ADAMTS20: variants seen among roughly 807,000 people sequenced by gnomAD.
ADAMTS20 encodes A disintegrin and metalloproteinase with thrombospondin motifs 20.
A neutral mutation model predicts 260.1 loss-of-function variants in ADAMTS20; 225 were observed. That is an observed-to-expected ratio of 0.87 (90% CI 0.78 to 0.97). ADAMTS20 has a LOEUF of 0.97. Ranked by LOEUF, ADAMTS20 falls within the 50% of genes least tolerant of loss-of-function variation. ADAMTS20 has a pLI of 0.00. For synonymous variants in ADAMTS20, 802 were observed against 769.5 expected, an observed-to-expected ratio of 1.04 and a Z score of -0.70; for missense variants, 2,400 against 2,337.7, an observed-to-expected ratio of 1.03 and a Z score of -0.55.
In ADAMTS20 at chr12:43,378,281, C is replaced by T. The variant is rs376865318; in HGVS notation, c.4798-719G>A. Reference sequence around the variant, plus strand: ...CTTTGAAAAACTTTCCAGGTCTTGGCACAACGAAAGGAAGGCAGCAGAGCT... The same window carrying T: ...CTTTGAAAAACTTTCCAGGTCTTGGTACAACGAAAGGAAGGCAGCAGAGCT... On this transcript the variant is annotated intron_variant, in intron 31 of 38. Transcript: ENST00000389420. 9.1e-4 allele frequency among the ~76,000 whole-genome samples: 138 copies of T among 152,268 alleles called. 1 individual carries two copies. Among genetic ancestry groups the T allele is most frequent in the African/African-American group, 3.2e-3 (134 of 41,540 alleles).
intron 37 of ADAMTS20, among the ~76,000 whole-genome samples, chr12:43,358,414 T>C (rs938196171): frequency 2.0e-5 from 3 of 152,200 alleles, no homozygotes; most frequent in Non-Finnish European, 4.4e-5. Flanking sequence ...TGGTATGATG[T>C]TGACGGAGGT....
At chr12:43,384,123 A>G (rs1297580251) in intron 29 of ADAMTS20, 146 bp from the exon 30 acceptor site, 4 of 810,212 alleles carry the variant, frequency 4.9e-6, no homozygotes, top group Admixed American at 6.5e-5. Flanking sequence ...TACAATAAGT[A>G]TTTTTACCAT....
chr12:43,400,166 C>G (rs1006691673), intron 28 of ADAMTS20, among the ~76,000 whole-genome samples: 5 of 151,992 alleles, frequency 3.3e-5, no homozygotes, highest in African/African-American at 1.2e-4. Context: ...CATATAGTCT[C>G]AGAGAGGATA....
intron 28 of ADAMTS20, among the ~76,000 whole-genome samples, chr12:43,402,681 CA>C (rs1160377614): frequency 6.6e-6 from 1 of 152,038 alleles, no homozygotes; most frequent in African/African-American, 2.4e-5. Context: ...AATATTCAAA[CA>C]TGCAGTTTTT....
At chr12:43,396,717 A>G (rs576779357) in intron 29 of ADAMTS20, among the ~76,000 whole-genome samples, 21 of 152,320 alleles carry the variant, frequency 1.4e-4, no homozygotes, top group Middle Eastern at 3.4e-3. Flanking sequence ...ATGTTCCTTT[A>G]GCAGATTTTA....
At chr12:43,525,601 C>T (rs922705738) in intron 3 of ADAMTS20, among the ~76,000 whole-genome samples, 1 of 152,046 alleles carries the variant, frequency 6.6e-6, no homozygotes, top group African/African-American at 2.4e-5. Flanking sequence ...TTAAAAATCA[C>T]AAACCAAATA....
intron 7 of ADAMTS20, among the ~76,000 whole-genome samples, chr12:43,476,863 G>A (rs1185839343): frequency 6.6e-6 from 1 of 150,726 alleles, no homozygotes; most frequent in East Asian, 2.0e-4. Flanking sequence ...GTGGAGGGGG[G>A]AGGGATAGCA....
At chr12:43,445,061 CTTTACTA>C (rs898415972) in intron 15 of ADAMTS20, among the ~76,000 whole-genome samples, 1 of 152,010 alleles carries the variant, frequency 6.6e-6, no homozygotes, top group Non-Finnish European at 1.5e-5. Flanking sequence ...CTATTTATAT[CTTTACTA>C]TTTATTATAT....
intron 10 of ADAMTS20, among the ~76,000 whole-genome samples, chr12:43,464,287 T>G (rs1007024510): frequency 6.6e-6 from 1 of 152,146 alleles, no homozygotes; most frequent in African/African-American, 2.4e-5. Flanking sequence ...TAATATCATT[T>G]GAAAATAAAT....
chr12:43,415,184 G>T (rs963021911), intron 28 of ADAMTS20, among the ~76,000 whole-genome samples: 1 of 152,036 alleles, frequency 6.6e-6, no homozygotes, highest in Non-Finnish European at 1.5e-5. Flanking sequence ...GTCAGAAAAG[G>T]GTTACCTTTT....
rs374993907 is a variant in ADAMTS20, at chr12:43,551,318, G to C, written c.92-48C>G. On this transcript the variant is annotated intron_variant, in intron 1 of 38. Coordinates refer to ENST00000389420, the MANE Select transcript of ADAMTS20 (RefSeq NM_025003.5). This position sits in a 1 kb window ranked among gnomAD's most constrained non-coding sequence, Gnocchi z 4.6. ...AGTGAGCTCCCACGCGTTCCTCATT[G>C]TCCAACTCTAAACTTCTTCCACCAA... The C allele has an allele frequency of 1.3e-6, 2 of 1,573,996 alleles. No homozygotes were observed. Among genetic ancestry groups the C allele is most frequent in the African/African-American group, 1.3e-5 (1 of 74,118 alleles).
intron 2 of ADAMTS20, 41 bp from the exon 3 acceptor site, chr12:43,532,236 C>G (rs539937754): frequency 6.5e-7 from 1 of 1,550,342 alleles, no homozygotes; most frequent in Non-Finnish European, 8.7e-7. Flanking sequence ...TCCTAACAGT[C>G]GCCAAGAAGA....
At chr12:43,460,508 GCACATA>G (rs1942040592) in intron 11 of ADAMTS20, among the ~76,000 whole-genome samples, 1 of 152,078 alleles carries the variant, frequency 6.6e-6, no homozygotes, top group Admixed American at 6.5e-5. Context: ...CTAAAATGGT[GCACATA>G]CTTCAGAAAA....
intron 3 of ADAMTS20, among the ~76,000 whole-genome samples, chr12:43,507,286 G>A (rs1285428602): frequency 6.6e-6 from 1 of 152,176 alleles, no homozygotes; most frequent in Non-Finnish European, 1.5e-5. Context: ...AATGAACAAA[G>A]CTTCAGCAAG....
At chr12:43,387,879 C>A (rs1007102326) in intron 29 of ADAMTS20, among the ~76,000 whole-genome samples, 3 of 152,160 alleles carry the variant, frequency 2.0e-5, no homozygotes, top group Admixed American at 6.5e-5. Flanking sequence ...TGCCCCTCCC[C>A]CCACCAAGCT....
At chr12:43,522,352 T>C (rs1011165317) in intron 3 of ADAMTS20, among the ~76,000 whole-genome samples, 1 of 152,124 alleles carries the variant, frequency 6.6e-6, no homozygotes, top group East Asian at 1.9e-4. Context: ...CCTTGACACA[T>C]AGGGATTATG....
At chr12:43,440,401 G>C (rs1219397512) in intron 16 of ADAMTS20, among the ~76,000 whole-genome samples, 1 of 152,030 alleles carries the variant, frequency 6.6e-6, no homozygotes, top group Non-Finnish European at 1.5e-5. Flanking sequence ...TGCCCGCTTC[G>C]GCCTCTCAAG....
intron 19 of ADAMTS20, chr12:43,433,798 A>T (rs1322337680): frequency 2.0e-6 from 1 of 490,242 alleles, no homozygotes; most frequent in South Asian, 1.5e-5. Flanking sequence ...ATGATCTAGG[A>T]TCAATTTCCC....
At chr12:43,457,987 G>A (rs1329891731) in intron 11 of ADAMTS20, among the ~76,000 whole-genome samples, 1 of 152,222 alleles carries the variant, frequency 6.6e-6, no homozygotes, top group Non-Finnish European at 1.5e-5. Context: ...AATTTAGAAA[G>A]TTTATTTTGC....
Sources: allele counts gnomAD v4.1 joint callset (sites outside exome capture counted in the v4.1 genomes callset), GRCh38; gene constraint gnomAD v4.1.1; non-coding constraint Gnocchi (gnomAD v3.1); transcripts MANE v1.5; gene names NCBI Gene and HGNC (gene_info 2026-07-23, HGNC 2026-07-21).